UNC5D: variants seen among roughly 807,000 people sequenced by gnomAD.
UNC5D encodes netrin receptor UNC5D.
UNC5D carries 39 observed loss-of-function variants against 105.4 expected under a neutral mutation model. That is an observed-to-expected ratio of 0.37 (90% confidence interval 0.29 to 0.48). The LOEUF (loss-of-function observed/expected upper bound fraction) is 0.48. Ranked by LOEUF, UNC5D falls within the 20% of genes least tolerant of loss-of-function variation. The pLI is 0.98. For synonymous variants in UNC5D, 452 were observed against 450.4 expected, an observed-to-expected ratio of 1.00 and a Z score of -0.04; for missense variants, 991 against 1,202.4, an observed-to-expected ratio of 0.82 and a Z score of 2.60.
intron 1 of UNC5D, among the ~76,000 whole-genome samples, chr8:35,300,135 T>C (rs1232510021): frequency 6.6e-6 from 1 of 151,846 alleles, no homozygotes; most frequent in African/African-American, 2.4e-5. Context: ...TCTTATGCCT[T>C]AGTTTAGCTT....
At chr8:35,608,053 TA>T (rs1377766780) in intron 4 of UNC5D, among the ~76,000 whole-genome samples, 1 of 152,152 alleles carries the variant, frequency 6.6e-6, no homozygotes, top group African/African-American at 2.4e-5. Context: ...TTCTGCATCA[TA>T]AAGCATCTGC....
At chr8:35,743,806 T>C (rs1355463021) in intron 11 of UNC5D, among the ~76,000 whole-genome samples, 2 of 152,142 alleles carry the variant, frequency 1.3e-5, no homozygotes, top group African/African-American at 4.8e-5. Context: ...TTTTAACCGC[T>C]GTGAACAAGA....
chr8:35,251,622 A>G (rs1803702677), intron 1 of UNC5D, among the ~76,000 whole-genome samples: 1 of 152,214 alleles, frequency 6.6e-6, no homozygotes, highest in Non-Finnish European at 1.5e-5. Context: ...AAGATTATAC[A>G]GTATGGAAGG....
chr8:35,306,660 T>C (rs781484519), intron 1 of UNC5D, among the ~76,000 whole-genome samples: 144 of 152,266 alleles, frequency 9.5e-4, no homozygotes, highest in African/African-American at 3.3e-3. Context: ...TAGATTTACA[T>C]TGGGAATTAG....
At chr8:35,573,385 T>C (rs1817878062) in intron 3 of UNC5D, among the ~76,000 whole-genome samples, 1 of 152,010 alleles carries the variant, frequency 6.6e-6, no homozygotes, top group Non-Finnish European at 1.5e-5. Context: ...TTGGGGCTGT[T>C]GTCTGCTATG....
At chr8:35,345,169 G>T (rs1322422338) in intron 1 of UNC5D, among the ~76,000 whole-genome samples, 1 of 151,938 alleles carries the variant, frequency 6.6e-6, no homozygotes, top group Non-Finnish European at 1.5e-5. Context: ...TGAAAAGAAC[G>T]CTTGTAATCT....
At chr8:35,515,581 A>G (rs1380228464) in intron 1 of UNC5D, among the ~76,000 whole-genome samples, 1 of 152,188 alleles carries the variant, frequency 6.6e-6, no homozygotes, top group Non-Finnish European at 1.5e-5. Flanking sequence ...GCTACTTGGG[A>G]GGCTGAGGCA....
At chr8:35,330,825 T>C (rs1292216626) in intron 1 of UNC5D, among the ~76,000 whole-genome samples, 3 of 152,202 alleles carry the variant, frequency 2.0e-5, no homozygotes, top group African/African-American at 7.2e-5. Context: ...TTCGAGTGTA[T>C]TCTTTCACTG....
intron 1 of UNC5D, among the ~76,000 whole-genome samples, chr8:35,433,540 A>G (rs1806794549): frequency 6.6e-6 from 1 of 152,196 alleles, no homozygotes; most frequent in Non-Finnish European, 1.5e-5. Context: ...CAGTTATGAA[A>G]AGACTCCTTT....
chr8:35,695,126 C>T (rs1348714018), intron 7 of UNC5D, among the ~76,000 whole-genome samples: 1 of 152,004 alleles, frequency 6.6e-6, no homozygotes, highest in African/African-American at 2.4e-5. Flanking sequence ...AAATACTGTC[C>T]GCTGTCAAAA....
At chr8:35,239,411 A>G (rs1317658981) in intron 1 of UNC5D, among the ~76,000 whole-genome samples, 1 of 151,638 alleles carries the variant, frequency 6.6e-6, no homozygotes, top group Non-Finnish European at 1.5e-5. Context: ...TACCAAATGC[A>G]GTACCCAACT....
intron 1 of UNC5D, among the ~76,000 whole-genome samples, chr8:35,542,066 G>C (rs1295935101): frequency 1.3e-5 from 2 of 152,154 alleles, no homozygotes; most frequent in African/African-American, 2.4e-5. Flanking sequence ...ATTGGCACAG[G>C]TGAGGTGAAT....
At chr8:35,495,443 GAACAAC>G (rs1359543752) in intron 1 of UNC5D, among the ~76,000 whole-genome samples, 2 of 66,390 alleles carry the variant, frequency 3.0e-5, no homozygotes, top group Admixed American at 1.7e-4. Flanking sequence ...GAAAGCTGAT[GAACAAC>G]AACAACAACA....
chr8:35,247,535 T>G lies in UNC5D; in HGVS notation c.103+11648T>G, dbSNP rs1369529742. 3.3e-5 allele frequency among the ~76,000 whole-genome samples: 4 copies of G among 121,862 alleles called. No homozygotes were observed. In the South Asian group the frequency reaches 6.7e-4, roughly 20 times the overall value. 79.9% of individuals were successfully genotyped at this position (121,862 alleles called of 152,430 possible). A position where few individuals can be genotyped will look rare whatever the true frequency, so the allele number is the denominator to read the frequency against. ...TTCTCTCTCTCTCTATATATATATA[T>G]GTATAAAATATATAAAATATATATA... On this transcript the variant is annotated intron_variant, in intron 1 of 16. Transcript: ENST00000404895.
intron 9 of UNC5D, chr8:35,724,050 T>G: frequency 8.6e-7 from 1 of 1,161,716 alleles, no homozygotes; most frequent in Non-Finnish European, 1.1e-6. Flanking sequence ...GCTGGTTGCT[T>G]CCTCTTACCC....
chr8:35,645,972 A>G (rs934849600), intron 4 of UNC5D, among the ~76,000 whole-genome samples: 1 of 152,184 alleles, frequency 6.6e-6, no homozygotes, highest in African/African-American at 2.4e-5. Flanking sequence ...GGATTCCCAC[A>G]TTAAACTAAT....
chr8:35,538,458 C>T lies in UNC5D; in HGVS notation c.104-10834C>T, dbSNP rs1413331500. ...ATATATATGAATTTTATTCAAAAGA[C>T]GGAGGAATTTTATCCAAAGGATTAA... is the stretch of plus-strand genomic sequence containing the variant. On this transcript the variant is annotated intron_variant, in intron 1 of 16. Transcript: ENST00000404895. 8.6e-5 allele frequency among the ~76,000 whole-genome samples: 11 copies of T among 128,002 alleles called. No individual in the cohort carries two copies. The East Asian group carries it at 1.2e-3, about 14-fold the overall frequency. The allele number at this position is 128,002 out of a possible 152,430, so 84.0% of individuals were successfully genotyped here. A position where few individuals can be genotyped will look rare whatever the true frequency, so the allele number is the denominator to read the frequency against.
chr8:35,271,414 T>TAC (rs201485182), intron 1 of UNC5D, among the ~76,000 whole-genome samples: 1 of 116,542 alleles, frequency 8.6e-6, no homozygotes, highest in Non-Finnish European at 1.9e-5. Context: ...TGTATATGTA[T>TAC]ACACACACAT....
intron 1 of UNC5D, among the ~76,000 whole-genome samples, chr8:35,502,727 T>TG (rs1459752213): frequency 6.8e-6 from 1 of 147,840 alleles, no homozygotes; most frequent in Non-Finnish European, 1.5e-5. Context: ...CCCGGCTAAT[T>TG]TTTTTTTTTT....
Sources: gnomAD v4.1 joint callset for allele counts (sites outside exome capture counted in the v4.1 genomes callset) on GRCh38, gnomAD v4.1.1 for gene constraint, MANE v1.5 for transcripts, NCBI Gene and HGNC (gene_info 2026-07-23, HGNC 2026-07-21) for gene names.